The following ATP13A5 variants were observed in gnomAD, a reference collection of about 807,000 sequenced individuals.
ATP13A5 encodes ATPase 13A5, also known as probable cation-transporting ATPase 13A5.
A neutral mutation model predicts 150.2 loss-of-function variants in ATP13A5; 149 were observed. The observed-to-expected ratio is 0.99, with a 90% CI of 0.87 to 1.14. The LOEUF is 1.14. ATP13A5 is among the 50% of genes most tolerant of loss of function. The pLI is 0.00. For synonymous variants in ATP13A5, 497 were observed against 522.2 expected (o/e 0.95, Z 0.66); for missense variants, 1,383 against 1,449.3 (o/e 0.95, Z 0.74).
intron 9 of ATP13A5, among the ~76,000 whole-genome samples, chr3:193,336,374 C>T (rs930787451): frequency 2.0e-5 from 3 of 152,252 alleles, no homozygotes; most frequent in Non-Finnish European, 2.9e-5. Context: ...TCTCCTAATG[C>T]TATCCCTCCC....
rs73196872 is a variant in ATP13A5 at position 193,278,294 on chromosome 3, G to A, written c.3315+1072C>T. 9.6e-3 allele frequency among the ~76,000 whole-genome samples: 1,463 copies of A among 152,196 alleles called. 14 individuals are homozygous for A. The highest frequency in any genetic ancestry group is 0.013 in the Non-Finnish European group (873 of 68,020). ...TCCTCTCACATGTAGTCTTCCTGCC[G>A]TCATCTAATTAGTCTGTCTTCAGAG... is the stretch of plus-strand genomic sequence containing the variant. On this transcript the variant is annotated intron_variant, in intron 28 of 29. Coordinates refer to ENST00000342358, the MANE Select transcript of ATP13A5 (RefSeq NM_198505.4).
At position 193,274,821 on chromosome 3, in the gene ATP13A5, GGAT is replaced by G; in HGVS notation, c.*218_*220del. The G allele has an allele frequency of 3.3e-6, 2 of 609,562 alleles. No individual in the cohort carries two copies. The highest frequency in any genetic ancestry group is 5.7e-6 in the Non-Finnish European group (2 of 352,788). 37.8% of individuals were successfully genotyped at this position (609,562 alleles called of 1,614,324 possible). A position where few individuals can be genotyped will look rare whatever the true frequency, so the allele number is the denominator to read the frequency against. ...CAAAATGAATACAGTTTATTGAAAA[GGAT>G]GATACAGGAAATGCATTTTTTTCTC... On this transcript the variant is annotated 3_prime_UTR_variant, in exon 30 of 30. Transcript: ENST00000342358.
intron 1 of ATP13A5, among the ~76,000 whole-genome samples, chr3:193,367,099 A>G (rs890880839): frequency 2.0e-5 from 3 of 152,034 alleles, no homozygotes; most frequent in Non-Finnish European, 4.4e-5. Context: ...GTAAAGAGAA[A>G]AAGTTTTGAA....
rs80193573 is a variant in ATP13A5, at chr3:193,301,698, T to TA, written c.2679-392dup. 8.4e-3 allele frequency among the ~76,000 whole-genome samples: 1,275 copies of TA among 152,322 alleles called. 40 individuals carry two copies. Among genetic ancestry groups the TA allele is most frequent in the Admixed American group, 0.049 (744 of 15,286 alleles). On this transcript the variant is annotated intron_variant, in intron 23 of 29. Coordinates refer to ENST00000342358, the MANE Select transcript of ATP13A5 (RefSeq NM_198505.4). ...AAGCATTGACTCACTTGTGACTCAT[T>TA]ACATCTTAACAATACATGCTTCCTG...
rs1410099714 is a variant in ATP13A5 at position 193,334,966 on chromosome 3, A to G, written c.1077T>C (p.Ser359=). ...CGTEVIQVKP[S]GQGPVRAVVL... ...CGACTGCTCGTACAGGCCCCTGCCC[A>G]GAGGGCTTGACCTGGATAACTTCTG... The change falls in exon 10 of 30, where the codon TCT becomes TCC. Residue 359 remains serine (S), a synonymous_variant. Coordinates refer to ENST00000342358, the MANE Select transcript of ATP13A5 (RefSeq NM_198505.4). The G allele has an allele frequency of 6.2e-7, 1 of 1,613,806 alleles. No homozygotes were observed. Among genetic ancestry groups the G allele is most frequent in the Non-Finnish European group, 8.5e-7 (1 of 1,179,826 alleles).
intron 7 of ATP13A5, among the ~76,000 whole-genome samples, chr3:193,348,335 T>C (rs1577363711): frequency 6.6e-6 from 1 of 152,168 alleles, no homozygotes; most frequent in Admixed American, 6.5e-5. Flanking sequence ...CGTGGCTGGA[T>C]TTCCTCTAGA....
Position 193,378,679 on chromosome 3 carries a change from C to G in ATP13A5, c.47G>C (p.Gly16Ala). 1 of 1,613,894 alleles carries G rather than the reference C, an allele frequency of 6.2e-7. No individual in the cohort carries two copies. The highest frequency in any genetic ancestry group is 8.5e-7 in the Non-Finnish European group (1 of 1,179,788). The change falls in exon 1 of 30, where the codon GGA becomes GCA. Residue 16 changes from glycine to alanine, a missense_variant. Coordinates refer to ENST00000342358, the MANE Select transcript of ATP13A5 (RefSeq NM_198505.4). Reference sequence around the variant, plus strand: ...AAGACTCACCAGTTCATCCTCCTCTCCCTGGTTGAGCAAAGCCCGATGGTC... The same window carrying G: ...AAGACTCACCAGTTCATCCTCCTCTGCCTGGTTGAGCAAAGCCCGATGGTC... Reference protein sequence around the residue: ...KKDHRALLNQGEEDELEVFGY... With the variant: ...KKDHRALLNQAEEDELEVFGY...
chr3:193,376,840 C>T (rs1713661764), intron 1 of ATP13A5, among the ~76,000 whole-genome samples: 1 of 152,170 alleles, frequency 6.6e-6, no homozygotes, highest in Non-Finnish European at 1.5e-5. Context: ...CTCCCTCAGG[C>T]CTAGCGGAGT....
intron 21 of ATP13A5, among the ~76,000 whole-genome samples, chr3:193,310,113 C>A (rs1160306848): frequency 6.6e-6 from 1 of 152,158 alleles, no homozygotes; most frequent in East Asian, 1.9e-4. Flanking sequence ...TAAGTGAGAA[C>A]ACAGTATTTG....
At chr3:193,307,473 G>T in intron 21 of ATP13A5, 104 bp from the exon 22 acceptor site, 1 of 1,376,730 alleles carries the variant, frequency 7.3e-7, no homozygotes, top group Non-Finnish European at 1.0e-6. Context: ...GTGTATGTGT[G>T]TGTCCCCTGA....
At chr3:193,295,870 C>A (rs542710994) in intron 25 of ATP13A5, among the ~76,000 whole-genome samples, 1 of 152,084 alleles carries the variant, frequency 6.6e-6, no homozygotes, top group East Asian at 1.9e-4. Context: ...TTGTTAGGAG[C>A]AATGTAAACT....
chr3:193,303,534 GTA>G (rs1718488054), intron 23 of ATP13A5, among the ~76,000 whole-genome samples: 1 of 152,050 alleles, frequency 6.6e-6, no homozygotes, highest in Non-Finnish European at 1.5e-5. Flanking sequence ...GTATGTGTGT[GTA>G]TATATGTTAA....
intron 1 of ATP13A5, among the ~76,000 whole-genome samples, chr3:193,364,516 A>AT (rs1173259479): frequency 3.3e-5 from 5 of 152,160 alleles, no homozygotes; most frequent in Admixed American, 2.6e-4. Context: ...GAGTATGGAA[A>AT]GGGCAGATTT....
intron 1 of ATP13A5, among the ~76,000 whole-genome samples, chr3:193,369,204 A>C (rs1260009382): frequency 1.3e-5 from 2 of 151,754 alleles, no homozygotes; most frequent in African/African-American, 4.8e-5. Flanking sequence ...TAATTGCACC[A>C]CTTCCACTCA....
In ATP13A5 at chr3:193,362,644, T is replaced by C. The variant is rs140810053; in HGVS notation, c.385-7A>G. The C allele has an allele frequency of 2.5e-4, 408 of 1,613,974 alleles. 1 individual carries two copies. The African/African-American group carries it at 4.2e-3, about 17-fold the overall frequency. On this transcript the variant is annotated splice_polypyrimidine_tract_variant and splice_region_variant and intron_variant, in intron 3 of 29. Coordinates refer to ENST00000342358, the MANE Select transcript of ATP13A5 (RefSeq NM_198505.4). ...GCACTTCCATGCACCGCAGCTACGATTGCAAATGTGATAGAGCAGGTGTCA... is the reference window on the plus strand; with the variant it reads ...GCACTTCCATGCACCGCAGCTACGACTGCAAATGTGATAGAGCAGGTGTCA...
At position 193,310,641 on chromosome 3, in the gene ATP13A5, A is replaced by T. The variant is rs1362917312; in HGVS notation, c.2522T>A (p.Leu841Ter). Reference protein sequence around the residue: ...KSSLIEEFQKLNYYVGMCGDG... With the variant: ...KSSLIEEFQK ...TCTTTCATGCCATGACACCTACTTT[A>T]ATTTCTGAAATTCTTCAATAAGGCT... is the stretch of plus-strand genomic sequence containing the variant. Residue 841 changes from leucine (L) to a stop codon, truncating the protein, a stop_gained, in exon 21 of 30, where the codon TTA becomes TAA. Transcript: ENST00000342358. LOFTEE classifies it high-confidence loss of function. 6.2e-7 allele frequency: 1 copy of T among 1,604,540 alleles called. No homozygotes were observed. Among genetic ancestry groups the T allele is most frequent in the Non-Finnish European group, 8.5e-7 (1 of 1,177,152 alleles).
At chr3:193,321,275 C>T (rs1719264261) in intron 16 of ATP13A5, among the ~76,000 whole-genome samples, 1 of 152,146 alleles carries the variant, frequency 6.6e-6, no homozygotes, top group Admixed American at 6.5e-5. Flanking sequence ...TTTGCACCTA[C>T]CCAGGAAACA....
intron 6 of ATP13A5, among the ~76,000 whole-genome samples, chr3:193,352,245 G>C (rs1712592016): frequency 6.6e-6 from 1 of 152,118 alleles, no homozygotes; most frequent in African/African-American, 2.4e-5. Flanking sequence ...AAAAGATTTT[G>C]TTCCTTAATG....
chr3:193,312,568 C>T (rs1019740474), intron 19 of ATP13A5: 30 of 152,334 alleles, frequency 2.0e-4, no homozygotes, highest in African/African-American at 7.0e-4. Context: ...TTCTAGCCCT[C>T]CCTGGTTCCC....
Sources: allele counts gnomAD v4.1 joint callset (sites outside exome capture counted in the v4.1 genomes callset), GRCh38; gene constraint gnomAD v4.1.1; transcripts MANE v1.5; gene names NCBI Gene and HGNC (gene_info 2026-07-23, HGNC 2026-07-21).